The following RTTN variants were observed in gnomAD, a reference collection of about 807,000 sequenced individuals.
RTTN encodes rotatin.
Under a neutral mutation model 269.2 loss-of-function variants are expected in RTTN, and 182 were observed. That is an observed-to-expected ratio of 0.68 (90% CI 0.60 to 0.76). RTTN has a LOEUF of 0.76. Ranked by LOEUF, RTTN falls within the 30% of genes least tolerant of loss-of-function variation. RTTN has a pLI of 0.00. For missense variants in RTTN, 2,545 were observed against 2,608.6 expected (o/e 0.98, Z 0.53); for synonymous variants, 1,006 against 963.5 (o/e 1.04, Z -0.82).
chr18:70,060,778 TAACCCTCA>T (rs1380861733), intron 35 of RTTN, among the ~76,000 whole-genome samples: 1 of 152,184 alleles, frequency 6.6e-6, no homozygotes, highest in Non-Finnish European at 1.5e-5. Context: ...TAGCCTCTGG[TAACCCTCA>T]TTCTACTCTC....
intron 11 of RTTN, among the ~76,000 whole-genome samples, chr18:70,174,565 A>T (rs1214585575): frequency 1.3e-5 from 2 of 151,930 alleles, no homozygotes; most frequent in Non-Finnish European, 2.9e-5. Context: ...TCAAAATACC[A>T]AAAAAAGAAA....
rs748280339 is a variant in RTTN at position 70,196,694 on chromosome 18, T to G, written c.694-46A>C. 2.2e-5 allele frequency: 35 copies of G among 1,575,254 alleles called. No individual in the cohort carries two copies. The East Asian group carries it at 7.0e-4, about 31-fold the overall frequency. On this transcript the variant is annotated intron_variant, in intron 6 of 48. Coordinates refer to ENST00000640769, the MANE Select transcript of RTTN (RefSeq NM_173630.4). ...GAAAATTACTAAGGGAACAAAGAGCTCAACTTCAAAGCAGAATGTGGAGCT... is the reference window on the plus strand; with the variant it reads ...GAAAATTACTAAGGGAACAAAGAGCGCAACTTCAAAGCAGAATGTGGAGCT...
chr18:70,145,843 G>T, intron 17 of RTTN, 60 bp from the exon 18 acceptor site: 1 of 1,320,968 alleles, frequency 7.6e-7, no homozygotes, highest in Non-Finnish European at 1.0e-6. Flanking sequence ...ATTTTAAAAG[G>T]GCTTGTAATT....
rs1225123417 is a variant in RTTN at position 70,047,890 on chromosome 18, C to T, written c.5541+81G>A. 46 of 1,043,490 alleles carry T rather than the reference C, an allele frequency of 4.4e-5. No homozygotes were observed. In the South Asian group the frequency reaches 5.9e-4, roughly 13 times the overall value. The allele number at this position is 1,043,490 out of a possible 1,614,324, so 64.6% of individuals were successfully genotyped here. On this transcript the variant is annotated intron_variant, in intron 40 of 48. Transcript: ENST00000640769. The stretch of plus-strand genomic sequence containing the variant: ...TATTTCTTAATTTAAATGACTGAGA[C>T]AGTTTTTAACAAGACCATGACTGAA...
intron 7 of RTTN, among the ~76,000 whole-genome samples, chr18:70,195,101 C>A (rs1224332829): frequency 6.6e-6 from 1 of 152,192 alleles, no homozygotes; most frequent in Non-Finnish European, 1.5e-5. Context: ...CCCCAATATA[C>A]TCTGGCCCCT....
intron 17 of RTTN, among the ~76,000 whole-genome samples, chr18:70,148,345 A>G (rs1239916247): frequency 2.0e-5 from 3 of 152,206 alleles, no homozygotes; most frequent in African/African-American, 7.2e-5. Context: ...AGGAAGAAAA[A>G]CAGTATCATT....
intron 28 of RTTN, among the ~76,000 whole-genome samples, chr18:70,093,426 T>C (rs901337467): frequency 1.3e-5 from 2 of 152,212 alleles, no homozygotes; most frequent in Admixed American, 6.5e-5. Flanking sequence ...CAGTATGATA[T>C]TGGCTGTGGG....
chr18:70,148,146 G>T (rs2060444271), intron 17 of RTTN, among the ~76,000 whole-genome samples: 1 of 152,044 alleles, frequency 6.6e-6, no homozygotes, highest in Non-Finnish European at 1.5e-5. Flanking sequence ...TGTAAGGTTT[G>T]GGAAACACAA....
intron 28 of RTTN, among the ~76,000 whole-genome samples, chr18:70,098,301 G>C (rs1404816202): frequency 1.3e-5 from 2 of 152,066 alleles, no homozygotes; most frequent in East Asian, 1.9e-4. Context: ...GAAAGAATTA[G>C]AGCAGCAATA....
At chr18:70,057,467 G>C (rs1361018313) in intron 37 of RTTN, among the ~76,000 whole-genome samples, 1 of 152,270 alleles carries the variant, frequency 6.6e-6, no homozygotes, top group South Asian at 2.1e-4. Context: ...TATTAAAGTG[G>C]TGCTCCAAGA....
chr18:70,097,228 C>T (rs892291783), intron 28 of RTTN, among the ~76,000 whole-genome samples: 6 of 152,142 alleles, frequency 3.9e-5, no homozygotes, highest in African/African-American at 1.4e-4. Flanking sequence ...AAAGCAAATA[C>T]TCATATTCAA....
At chr18:70,151,289 C>T (rs1420937144) in intron 14 of RTTN, among the ~76,000 whole-genome samples, 7 of 149,950 alleles carry the variant, frequency 4.7e-5, no homozygotes, top group African/African-American at 7.3e-5. Flanking sequence ...ATCATCAATA[C>T]AGCTATGTAC....
intron 30 of RTTN, among the ~76,000 whole-genome samples, chr18:70,090,626 G>A (rs1387382395): frequency 1.3e-5 from 2 of 152,144 alleles, no homozygotes; most frequent in Admixed American, 6.5e-5. Flanking sequence ...TGAAAAGAAT[G>A]ACCCAAAAAA....
At chr18:70,042,958 C>T (rs553160008) in intron 40 of RTTN, among the ~76,000 whole-genome samples, 33 of 152,144 alleles carry the variant, frequency 2.2e-4, no homozygotes, top group Non-Finnish European at 3.2e-4. Flanking sequence ...CAGGAGACTG[C>T]ACATAGCACA....
At chr18:70,171,675 A>G (rs1312471054) in intron 11 of RTTN, among the ~76,000 whole-genome samples, 2 of 152,308 alleles carry the variant, frequency 1.3e-5, no homozygotes, top group Admixed American at 6.5e-5. Flanking sequence ...GTGCAAATCC[A>G]TCACCCCATT....
intron 10 of RTTN, among the ~76,000 whole-genome samples, chr18:70,186,380 A>G (rs1024752054): frequency 6.6e-6 from 1 of 152,354 alleles, no homozygotes. Flanking sequence ...TGGGTTTGTT[A>G]TAAGTCAGTT....
intron 8 of RTTN, among the ~76,000 whole-genome samples, chr18:70,192,568 C>A (rs1391019948): frequency 6.6e-6 from 1 of 151,644 alleles, no homozygotes; most frequent in East Asian, 1.9e-4. Flanking sequence ...GTGGTCCCAG[C>A]CACTCAGGAG....
rs147574717 is a variant in RTTN at position 70,077,662 on chromosome 18, C to A, written c.4375-2121G>T. On this transcript the variant is annotated intron_variant, in intron 32 of 48. Transcript: ENST00000640769. ...TTTTCCCTTCAATAAATTAAAAATTCTTTTCTAGTTCCTATTAATATAAAC... is the reference window on the plus strand; with the variant it reads ...TTTTCCCTTCAATAAATTAAAAATTATTTTCTAGTTCCTATTAATATAAAC... Among the ~76,000 whole-genome samples the A allele has an allele frequency of 5.0e-3, 760 of 151,900 alleles. 3 individuals are homozygous for A. Among genetic ancestry groups the A allele is most frequent in the South Asian group, 7.7e-3 (37 of 4,822 alleles).
chr18:70,132,856 G>A (rs1246106995), intron 23 of RTTN, among the ~76,000 whole-genome samples: 1 of 152,082 alleles, frequency 6.6e-6, no homozygotes, highest in Non-Finnish European at 1.5e-5. Flanking sequence ...CAACATTACT[G>A]TGAGTAAAAG....
Sources: allele counts gnomAD v4.1 joint callset (sites outside exome capture counted in the v4.1 genomes callset), GRCh38; gene constraint gnomAD v4.1.1; transcripts MANE v1.5; gene names NCBI Gene and HGNC (gene_info 2026-07-23, HGNC 2026-07-21).